NPY2R: variants seen among roughly 807,000 people sequenced by gnomAD.
NPY2R encodes neuropeptide Y receptor Y2, also known as neuropeptide Y receptor type 2.
A neutral mutation model predicts 22.3 loss-of-function variants in NPY2R; 17 were observed. The ratio of observed to expected loss-of-function variants is 0.76; its 90% CI spans 0.52 to 1.14. The LOEUF is 1.14. NPY2R is among the 50% of genes most tolerant of loss of function. NPY2R has a pLI of 0.00. For missense variants in NPY2R, 424 were observed against 467.9 expected (o/e 0.91, Z 0.87); for synonymous variants, 209 against 183.4 (o/e 1.14, Z -1.13).
intron 1 of NPY2R, among the ~76,000 whole-genome samples, chr4:155,211,137 T>C (rs539978120): frequency 2.6e-5 from 4 of 152,340 alleles, no homozygotes; most frequent in South Asian, 4.1e-4. Context: ...TTCAGTATAA[T>C]TGTGCTTTCC....
At chr4:155,187,201 C>T in the NPY2R span, among the ~76,000 whole-genome samples, 27 of 152,154 alleles carry the variant, frequency 1.8e-4, no homozygotes, top group Admixed American at 5.2e-4. Context: ...ATCACTGAAA[C>T]GCACTACATC....
At chr4:155,198,422 A>T in the NPY2R span, among the ~76,000 whole-genome samples, 1 of 148,242 alleles carries the variant, frequency 6.7e-6, no homozygotes, top group Non-Finnish European at 1.5e-5. Flanking sequence ...ATGTATATAA[A>T]ATATATATAT....
the NPY2R span, among the ~76,000 whole-genome samples, chr4:155,179,124 T>G: frequency 5.3e-5 from 8 of 152,212 alleles, no homozygotes; most frequent in African/African-American, 1.9e-4. Flanking sequence ...TGCCATTTTT[T>G]CTCTTAATTA....
At chr4:155,212,383 A>G (rs1413970764) in intron 1 of NPY2R, among the ~76,000 whole-genome samples, 3 of 152,194 alleles carry the variant, frequency 2.0e-5, no homozygotes, top group East Asian at 3.8e-4. Flanking sequence ...GAGGAAAACA[A>G]TATGATCACA....
the NPY2R span, among the ~76,000 whole-genome samples, chr4:155,198,705 T>A: frequency 7.1e-6 from 1 of 140,796 alleles, no homozygotes; most frequent in Non-Finnish European, 1.6e-5. Flanking sequence ...TATTTTACAG[T>A]GGAGAAATCT....
chr4:155,176,640 C>T, the NPY2R span, among the ~76,000 whole-genome samples: 5 of 152,214 alleles, frequency 3.3e-5, no homozygotes, highest in East Asian at 3.9e-4. Context: ...AACATTTACT[C>T]AGTGAGGGTA....
At chr4:155,189,297 A>G in the NPY2R span, among the ~76,000 whole-genome samples, 2 of 151,984 alleles carry the variant, frequency 1.3e-5, no homozygotes, top group Non-Finnish European at 2.9e-5. Flanking sequence ...ATCTTTTACC[A>G]TTTCACCAAA....
At chr4:155,203,528 A>G in the NPY2R span, among the ~76,000 whole-genome samples, 1 of 152,150 alleles carries the variant, frequency 6.6e-6, no homozygotes, top group East Asian at 1.9e-4. Context: ...TTATATGTGT[A>G]TTTGATGCAG....
the NPY2R span, among the ~76,000 whole-genome samples, chr4:155,185,499 A>G: frequency 1.3e-5 from 2 of 152,158 alleles, no homozygotes; most frequent in Non-Finnish European, 2.9e-5. Flanking sequence ...TTATCATTTG[A>G]TTTAACATTT....
the NPY2R span, among the ~76,000 whole-genome samples, chr4:155,191,937 T>A: frequency 6.6e-6 from 1 of 151,972 alleles, no homozygotes; most frequent in Non-Finnish European, 1.5e-5. Context: ...TAGGGCAATA[T>A]GGATTCTAAA....
At chr4:155,189,608 A>G in the NPY2R span, among the ~76,000 whole-genome samples, 1 of 151,992 alleles carries the variant, frequency 6.6e-6, no homozygotes. Context: ...TAAGTTATAT[A>G]TCTATTGTAT....
At chr4:155,187,782 G>A in the NPY2R span, among the ~76,000 whole-genome samples, 11 of 152,086 alleles carry the variant, frequency 7.2e-5, no homozygotes, top group Admixed American at 5.2e-4. Context: ...TCATGGCTCA[G>A]GTCATTTGTA....
upstream of NPY2R, among the ~76,000 whole-genome samples, chr4:155,204,240 G>C (rs146486112): frequency 1.1e-4 from 16 of 151,454 alleles, no homozygotes; most frequent in Admixed American, 1.1e-3. Flanking sequence ...TTCTGGCAGA[G>C]TGAAAACAGG....
At chr4:155,183,098 G>A in the NPY2R span, among the ~76,000 whole-genome samples, 1 of 152,078 alleles carries the variant, frequency 6.6e-6, no homozygotes, top group Non-Finnish European at 1.5e-5. Context: ...CAGCCGAGCT[G>A]TTCTAGTTTT....
At chr4:155,199,139 C>G in the NPY2R span, among the ~76,000 whole-genome samples, 1 of 151,978 alleles carries the variant, frequency 6.6e-6, no homozygotes, top group Non-Finnish European at 1.5e-5. Context: ...GTAAATACCC[C>G]TTCTATTTTC....
chr4:155,189,357 T>A, the NPY2R span, among the ~76,000 whole-genome samples: 7 of 152,046 alleles, frequency 4.6e-5, no homozygotes, highest in South Asian at 2.1e-4. Flanking sequence ...AGTAACTACA[T>A]CTCCATGAAT....
chr4:155,173,833 CT>C, the NPY2R span: 1 of 151,936 alleles, frequency 6.6e-6, no homozygotes, highest in Non-Finnish European at 1.5e-5. Context: ...TAAGCAGTAT[CT>C]TTTAGTTTTG....
chr4:155,206,721 A>G (rs186870515), upstream of NPY2R: 18 of 152,362 alleles, frequency 1.2e-4, no homozygotes, highest in African/African-American at 4.3e-4. Context: ...AGAAGATAAA[A>G]TGTGTTTTGT....
chr4:155,214,949 T>C lies in NPY2R; in HGVS notation c.1010T>C (p.Leu337Pro), dbSNP rs1187678291. ...WMNSNYRKAF[L>P]SAFRCEQRLD... Reference sequence around the variant, plus strand: ...AACAGCAACTACAGAAAGGCTTTCCTCTCGGCCTTCCGCTGTGAGCAGCGG... The same window carrying C: ...AACAGCAACTACAGAAAGGCTTTCCCCTCGGCCTTCCGCTGTGAGCAGCGG... The change falls in exon 2 of 2, where the codon CTC becomes CCC. Residue 337 changes from leucine (L) to proline (P), a missense_variant. Physicochemically the swap from Leu to Pro is moderately conservative, Grantham distance 98 (BLOSUM62 -3). Coordinates refer to ENST00000329476, the MANE Select transcript of NPY2R (RefSeq NM_000910.4). 6.2e-7 allele frequency: 1 copy of C among 1,614,222 alleles called. No homozygotes were observed. Among genetic ancestry groups the C allele is most frequent in the Admixed American group, 1.7e-5 (1 of 60,030 alleles).
Sources: allele counts gnomAD v4.1 joint callset (sites outside exome capture counted in the v4.1 genomes callset), GRCh38; gene constraint gnomAD v4.1.1; transcripts MANE v1.5; gene names NCBI Gene and HGNC (gene_info 2026-07-23, HGNC 2026-07-21).